The following BCL2L14 variants were observed in gnomAD, a reference collection of about 807,000 sequenced individuals.
BCL2L14 encodes the protein BCL2 like 14.
In BCL2L14, 27 loss-of-function variants were observed where a neutral mutation model predicts 35.3. The observed-to-expected ratio is 0.76, with a 90% CI of 0.56 to 1.05. The LOEUF is 1.05. Among genes scored for constraint, BCL2L14 ranks in the 50% least tolerant of loss-of-function variants. BCL2L14 has a pLI of 0.00. For missense variants in BCL2L14, 377 were observed against 382.6 expected (o/e 0.99, Z 0.12); for synonymous variants, 139 against 145.9 (o/e 0.95, Z 0.34).
intron 2 of BCL2L14, among the ~76,000 whole-genome samples, chr12:12,082,155 T>C (rs947835679): frequency 2.0e-5 from 3 of 152,160 alleles, no homozygotes; most frequent in African/African-American, 7.2e-5. Flanking sequence ...CAAAAAGGGC[T>C]TACCAAGGAA....
At position 12,057,755 on chromosome 12, in the gene BCL2L14, T is replaced by TAA. The variant is rs370379966; in HGVS notation, c.-272+5922_-272+5923dup. 1.0e-3 allele frequency among the ~76,000 whole-genome samples: 120 copies of TAA among 120,358 alleles called. 2 individuals carry two copies. The highest frequency in any genetic ancestry group is 5.1e-3 in the Admixed American group (60 of 11,788). The allele number at this position is 120,358 out of a possible 152,430, so 79.0% of individuals were successfully genotyped here. ...CTGGGCAATAAGAGCAAAACTCCAT[T>TAA]AAAAAAAAAAAAAAAGAAGTGAAGA... On this transcript the variant is annotated intron_variant, in intron 2 of 3. Transcript: ENST00000461264.
intron 1 of BCL2L14, among the ~76,000 whole-genome samples, chr12:12,074,805 A>G (rs1480559006): frequency 6.6e-6 from 1 of 152,138 alleles, no homozygotes; most frequent in African/African-American, 2.4e-5. Flanking sequence ...AAAATGTTTT[A>G]ATTTTTAAAT....
chr12:12,096,222 C>T, intron 5 of BCL2L14: 1 of 899,718 alleles, frequency 1.1e-6, no homozygotes, highest in South Asian at 5.1e-5. Flanking sequence ...ATTGTTAGTC[C>T]TCTTAATATA....
At chr12:12,058,874 G>T (rs1163902269) in intron 2 of BCL2L14, among the ~76,000 whole-genome samples, 3 of 152,148 alleles carry the variant, frequency 2.0e-5, no homozygotes, top group African/African-American at 7.2e-5. Flanking sequence ...ATCCACCTAT[G>T]ACCTCAGGTT....
At position 12,094,661 on chromosome 12, in the gene BCL2L14, C is replaced by T. The variant is rs1248815102; in HGVS notation, c.679-3C>T. 1 of 1,614,152 alleles carries T rather than the reference C, an allele frequency of 6.2e-7. No homozygotes were observed. The highest frequency in any genetic ancestry group is 1.3e-5 in the African/African-American group (1 of 75,042). ...TACTGAGTGCTTATTCTTTTGTACACAGCTGAAGAAAGATAAGGCTTTGAT... is the reference window on the plus strand; with the variant it reads ...TACTGAGTGCTTATTCTTTTGTACATAGCTGAAGAAAGATAAGGCTTTGAT... On this transcript the variant is annotated splice_region_variant and splice_polypyrimidine_tract_variant and intron_variant, in intron 4 of 5. Transcript: ENST00000308721.
chr12:12,082,874 CG>C (rs761060386), intron 2 of BCL2L14, among the ~76,000 whole-genome samples: 8 of 152,128 alleles, frequency 5.3e-5, no homozygotes, highest in Non-Finnish European at 8.8e-5. Flanking sequence ...TTACATTGAG[CG>C]TGATCCAAGA....
chr12:12,052,548 G>A (rs1641714), intron 2 of BCL2L14, among the ~76,000 whole-genome samples: 53,408 of 152,020 alleles, frequency 0.35, 10,199 homozygotes, highest in African/African-American at 0.52. Flanking sequence ...CAAATCACAG[G>A]ATTTCACCCC....
chr12:12,060,847 C>T (rs1176955943), intron 2 of BCL2L14, among the ~76,000 whole-genome samples: 1 of 127,546 alleles, frequency 7.8e-6, no homozygotes, highest in South Asian at 2.9e-4. Context: ...CTCAGCTTAG[C>T]GGCTGAAGAC....
In BCL2L14 at chr12:12,082,681, G is replaced by C. The variant is rs531224648; in HGVS notation, c.433+2943G>C. ...AAAAACACTTAGGTGATGTGTTAAT[G>C]TGCTGAATAGCTGAATAGTACCTAT... On this transcript the variant is annotated intron_variant, in intron 2 of 5. Transcript: ENST00000308721. Among the ~76,000 whole-genome samples, 6 of 152,240 alleles carry C rather than the reference G, an allele frequency of 3.9e-5. No homozygotes were observed. In the East Asian group the frequency reaches 1.2e-3, roughly 29 times the overall value.
At chr12:12,090,435 GC>G (rs1275298992) in intron 3 of BCL2L14, among the ~76,000 whole-genome samples, 2 of 151,618 alleles carry the variant, frequency 1.3e-5, no homozygotes, top group Non-Finnish European at 2.9e-5. Flanking sequence ...TTTGAGACCA[GC>G]CTGGCTAACA....
chr12:12,078,854 T>C lies in BCL2L14; in HGVS notation c.-7-445T>C, dbSNP rs192397259. Among the ~76,000 whole-genome samples, 539 of 152,300 alleles carry C rather than the reference T, an allele frequency of 3.5e-3. 5 individuals are homozygous for C. In the South Asian group the frequency reaches 0.038, roughly 11 times the overall value. ...ACTCTGTCGCCAGGCTGGAGTGCAG[T>C]GGCGCAATCTCAGCTCACTACAACC... On this transcript the variant is annotated intron_variant, in intron 1 of 5. Coordinates refer to ENST00000308721, the MANE Select transcript of BCL2L14 (RefSeq NM_138723.2).
At chr12:12,090,639 T>TAAA in intron 3 of BCL2L14, 140 bp from the exon 4 acceptor site, 3 of 544,308 alleles carry the variant, frequency 5.5e-6, no homozygotes, top group East Asian at 3.3e-5. Context: ...GTCTAAAAAA[T>TAAA]AAAAAATAAA....
At chr12:12,052,580 C>A (rs565129779) in intron 2 of BCL2L14, among the ~76,000 whole-genome samples, 2 of 152,344 alleles carry the variant, frequency 1.3e-5, no homozygotes, top group East Asian at 3.9e-4. Context: ...GAGTAGTATT[C>A]TATTGTGCAT....
chr12:12,050,600 A>G (rs1229066322), intron 1 of BCL2L14, among the ~76,000 whole-genome samples: 1 of 151,808 alleles, frequency 6.6e-6, no homozygotes, highest in African/African-American at 2.4e-5. Context: ...CCTGGAACCC[A>G]AATTGAAAAG....
chr12:12,083,450 C>G (rs1948972235), intron 2 of BCL2L14, among the ~76,000 whole-genome samples: 1 of 152,222 alleles, frequency 6.6e-6, no homozygotes, highest in Non-Finnish European at 1.5e-5. Flanking sequence ...CAGGCTCTTT[C>G]ACTTGTGAAT....
At chr12:12,092,787 C>T (rs1026480096) in intron 4 of BCL2L14, among the ~76,000 whole-genome samples, 6 of 152,028 alleles carry the variant, frequency 3.9e-5, no homozygotes, top group East Asian at 1.9e-4. Context: ...GGGGCCTGGA[C>T]GGTGGGGGTG....
At chr12:12,050,793 T>TAAAAAAAAAAAAAAAA (rs3052084) in intron 1 of BCL2L14, among the ~76,000 whole-genome samples, 20 of 88,270 alleles carry the variant, frequency 2.3e-4, no homozygotes, top group African/African-American at 6.2e-4. Context: ...GCTGATGAGC[T>TAAAAAAAAAAAAAAAA]AAAAAAAAAA....
chr12:12,089,410 C>T (rs957303147), intron 3 of BCL2L14, among the ~76,000 whole-genome samples: 26 of 150,438 alleles, frequency 1.7e-4, no homozygotes, highest in African/African-American at 6.1e-4. Context: ...GTTTATTTTG[C>T]CAAGCCTGGG....
At chr12:12,052,333 T>C (rs752505616) in intron 2 of BCL2L14, among the ~76,000 whole-genome samples, 2 of 148,728 alleles carry the variant, frequency 1.3e-5, no homozygotes, top group Non-Finnish European at 3.0e-5. Flanking sequence ...TAGTAAAGCT[T>C]ATTCCTCTTG....
Sources: gnomAD v4.1 joint callset for allele counts (sites outside exome capture counted in the v4.1 genomes callset) on GRCh38, gnomAD v4.1.1 for gene constraint, MANE v1.5 for transcripts, NCBI Gene and HGNC (gene_info 2026-07-23, HGNC 2026-07-21) for gene names.